PKN2: variants seen among roughly 807,000 people sequenced by gnomAD.
PKN2 encodes protein kinase N2, also known as serine/threonine-protein kinase N2.
Under a neutral mutation model 119.1 loss-of-function variants are expected in PKN2, and 38 were observed. The observed-to-expected ratio is 0.32, with a 90% CI of 0.25 to 0.42. PKN2 has a LOEUF of 0.42. Among genes scored for constraint, PKN2 ranks in the 10% least tolerant of loss-of-function variants. PKN2 has a pLI of 1.00. For synonymous variants in PKN2, 390 were observed against 384.9 expected, an observed-to-expected ratio of 1.01 and a Z score of -0.15; for missense variants, 850 against 1,165.1, an observed-to-expected ratio of 0.73 and a Z score of 3.94.
chr1:88,820,568 T>C (rs1368451308), intron 16 of PKN2, among the ~76,000 whole-genome samples: 1 of 151,572 alleles, frequency 6.6e-6, no homozygotes, highest in Non-Finnish European at 1.5e-5. Flanking sequence ...AAATAAAAAT[T>C]ATTGACCCAT....
intron 1 of PKN2, among the ~76,000 whole-genome samples, chr1:88,698,311 G>A (rs1666621307): frequency 6.6e-6 from 1 of 151,934 alleles, no homozygotes; most frequent in Admixed American, 6.6e-5. Flanking sequence ...ATTTAGCACT[G>A]ACCTTGACAG....
rs6687913 is a variant in PKN2 at position 88,722,241 on chromosome 1, G to C, written c.49-18747G>C. Among the ~76,000 whole-genome samples the C allele has an allele frequency of 3.0e-3, 452 of 152,248 alleles. 4 individuals are homozygous for C. Among genetic ancestry groups the C allele is most frequent in the African/African-American group, 0.01 (430 of 41,554 alleles). On this transcript the variant is annotated intron_variant, in intron 1 of 21. Transcript: ENST00000370521. ...CATTAAGAGGACAATTATTAATAAA[G>C]TTCAGATTTTACTCACTGTATAATA...
rs12410546 is a variant in PKN2, at chr1:88,761,499, G to A, written c.504+1123G>A. 1.8e-3 allele frequency among the ~76,000 whole-genome samples: 273 copies of A among 150,896 alleles called. 4 individuals carry two copies. The highest frequency in any genetic ancestry group is 0.017 in the Admixed American group (255 of 15,146). On this transcript the variant is annotated intron_variant, in intron 3 of 21. Transcript: ENST00000370521. The stretch of plus-strand genomic sequence containing the variant: ...TCACCCCAAATGAAATTTGAGACTA[G>A]GCCTGGTGGCTCACACCTGTATACC...
chr1:88,743,441 G>C (rs1292574588), intron 2 of PKN2, among the ~76,000 whole-genome samples: 1 of 152,008 alleles, frequency 6.6e-6, no homozygotes, highest in Non-Finnish European at 1.5e-5. Flanking sequence ...CTTTCCTACT[G>C]TTTTATATAA....
chr1:88,703,679 A>T (rs1332376828), intron 1 of PKN2, among the ~76,000 whole-genome samples: 1 of 152,172 alleles, frequency 6.6e-6, no homozygotes, highest in Non-Finnish European at 1.5e-5. Context: ...TTTACTATAG[A>T]GTTCTAGGAA....
At chr1:88,692,447 C>T (rs914058533) in intron 1 of PKN2, among the ~76,000 whole-genome samples, 1 of 152,064 alleles carries the variant, frequency 6.6e-6, no homozygotes, top group Non-Finnish European at 1.5e-5. Flanking sequence ...GCAGAACTTT[C>T]AATATGGTTG....
intron 19 of PKN2, among the ~76,000 whole-genome samples, chr1:88,830,802 T>C (rs889532614): frequency 6.6e-6 from 1 of 152,116 alleles, no homozygotes; most frequent in African/African-American, 2.4e-5. Flanking sequence ...AATTTCTCTT[T>C]AGTATCTCCA....
At chr1:88,808,310 T>C (rs1303954536) in intron 15 of PKN2, among the ~76,000 whole-genome samples, 1 of 152,116 alleles carries the variant, frequency 6.6e-6, no homozygotes, top group Non-Finnish European at 1.5e-5. Flanking sequence ...TTTGTTTATT[T>C]ATTTATTTAT....
chr1:88,819,213 G>A (rs140988561), intron 16 of PKN2, among the ~76,000 whole-genome samples: 1,750 of 152,292 alleles, frequency 0.011, 24 homozygotes, highest in Non-Finnish European at 0.016. Context: ...CACAGCAAAA[G>A]AAACTGTCGT....
intron 1 of PKN2, among the ~76,000 whole-genome samples, chr1:88,715,987 C>T (rs1245281446): frequency 4.6e-5 from 7 of 150,552 alleles, no homozygotes. Flanking sequence ...GATGCTGGTC[C>T]ACTGTCTTTG....
intron 6 of PKN2, among the ~76,000 whole-genome samples, chr1:88,780,237 A>AT (rs1195727616): frequency 1.3e-5 from 2 of 151,872 alleles, no homozygotes; most frequent in African/African-American, 4.8e-5. Flanking sequence ...AGTTATATGT[A>AT]TTTTTTTTCA....
intron 1 of PKN2, among the ~76,000 whole-genome samples, chr1:88,732,912 A>G (rs942489685): frequency 6.6e-6 from 1 of 152,144 alleles, no homozygotes; most frequent in East Asian, 1.9e-4. Context: ...AAAGACAAAT[A>G]CCACATGATC....
intron 2 of PKN2, among the ~76,000 whole-genome samples, chr1:88,753,105 G>A (rs1055799663): frequency 3.3e-5 from 5 of 152,040 alleles, no homozygotes; most frequent in South Asian, 2.1e-4. Flanking sequence ...CAGACAATTC[G>A]AACTCCTTAG....
chr1:88,737,663 A>G (rs1241086007), intron 1 of PKN2, among the ~76,000 whole-genome samples: 1 of 152,114 alleles, frequency 6.6e-6, no homozygotes, highest in Non-Finnish European at 1.5e-5. Flanking sequence ...AGGTTTCCAC[A>G]TAGTATCGGG....
At chr1:88,691,351 G>C (rs942787727) in intron 1 of PKN2, among the ~76,000 whole-genome samples, 1 of 152,016 alleles carries the variant, frequency 6.6e-6, no homozygotes, top group Admixed American at 6.6e-5. Flanking sequence ...AGATGTGAGC[G>C]TCTGTGCCTG....
chr1:88,745,196 T>C (rs1043401102), intron 2 of PKN2, among the ~76,000 whole-genome samples: 1 of 152,194 alleles, frequency 6.6e-6, no homozygotes, highest in African/African-American at 2.4e-5. Flanking sequence ...TCTTTTAAGA[T>C]CAGGAACAAG....
At chr1:88,811,725 A>G (rs1671789677) in intron 15 of PKN2, among the ~76,000 whole-genome samples, 1 of 152,200 alleles carries the variant, frequency 6.6e-6, no homozygotes, top group Admixed American at 6.6e-5. Context: ...AGTCTGGTCA[A>G]CTTCACCTCT....
At chr1:88,691,125 G>C (rs956450206) in intron 1 of PKN2, among the ~76,000 whole-genome samples, 3 of 152,066 alleles carry the variant, frequency 2.0e-5, no homozygotes, top group Non-Finnish European at 2.9e-5. Context: ...GTGCAGTGAC[G>C]TGATCTCGGC....
At chr1:88,695,837 C>T (rs1281897148) in intron 1 of PKN2, among the ~76,000 whole-genome samples, 3 of 151,966 alleles carry the variant, frequency 2.0e-5, no homozygotes, top group Non-Finnish European at 1.5e-5. Flanking sequence ...AATAAGTTAA[C>T]GTCTCTCATG....
Sources: allele counts gnomAD v4.1 joint callset (sites outside exome capture counted in the v4.1 genomes callset), GRCh38; gene constraint gnomAD v4.1.1; transcripts MANE v1.5; gene names NCBI Gene and HGNC (gene_info 2026-07-23, HGNC 2026-07-21).